The following BMPR1A variants were observed in gnomAD, a reference collection of about 807,000 sequenced individuals.
The protein encoded by BMPR1A is bone morphogenetic protein receptor type-1A.
In BMPR1A, 7 loss-of-function variants were observed where a neutral mutation model predicts 66.0. That is an observed-to-expected ratio of 0.11 (90% CI 0.06 to 0.20). The LOEUF is 0.20. BMPR1A is among the 10% of genes least tolerant of loss of function. The pLI, the probability that BMPR1A is intolerant of heterozygous loss-of-function variation, is 1.00. For missense variants in BMPR1A, 408 were observed against 669.1 expected (o/e 0.61, Z 4.31); for synonymous variants, 200 against 229.7 (o/e 0.87, Z 1.17).
chr10:86,923,395 A>G lies in BMPR1A; in HGVS notation c.1362A>G (p.Gln454=), dbSNP rs764090248. 1.4e-5 allele frequency: 22 copies of G among 1,614,074 alleles called. No individual in the cohort carries two copies. The highest frequency in any genetic ancestry group is 6.7e-5 in the East Asian group (3 of 44,900). The change falls in exon 12 of 13, where the codon CAA becomes CAG. Residue 454 remains glutamine (Q), a synonymous_variant. Coordinates refer to ENST00000372037, the MANE Select transcript of BMPR1A (RefSeq NM_004329.3). ...CITGGIVEEY[Q]LPYYNMVPSD... The stretch of plus-strand genomic sequence containing the variant: ...TTATAGGGATCGTGGAAGAATACCA[A>G]TTGCCATATTACAACATGGTACCGA...
At chr10:86,776,356 C>T (rs1841347938) in intron 1 of BMPR1A, among the ~76,000 whole-genome samples, 1 of 152,136 alleles carries the variant, frequency 6.6e-6, no homozygotes, top group African/African-American at 2.4e-5. Flanking sequence ...GTTGCTAATA[C>T]TACTGTGTAT....
At chr10:86,868,564 A>T (rs953123630) in intron 2 of BMPR1A, among the ~76,000 whole-genome samples, 1 of 152,180 alleles carries the variant, frequency 6.6e-6, no homozygotes, top group African/African-American at 2.4e-5. Context: ...AGCTTGTCAG[A>T]CCCGGCGCCT....
At chr10:86,759,763 G>A (rs1427651177) in intron 1 of BMPR1A, among the ~76,000 whole-genome samples, 1 of 152,088 alleles carries the variant, frequency 6.6e-6, no homozygotes, top group Non-Finnish European at 1.5e-5. Flanking sequence ...TTCCTTGAAA[G>A]TTTGGAAGAC....
chr10:86,855,579 C>CA, intron 2 of BMPR1A: 1 of 541,600 alleles, frequency 1.8e-6, no homozygotes, highest in Admixed American at 2.8e-5. Context: ...TAGTACTTTT[C>CA]AAAAAAGTAC....
At chr10:86,837,468 T>G (rs1156938463) in intron 1 of BMPR1A, among the ~76,000 whole-genome samples, 1 of 152,212 alleles carries the variant, frequency 6.6e-6, no homozygotes, top group Non-Finnish European at 1.5e-5. Flanking sequence ...TTGCCTGCTC[T>G]CTCTCCCACA....
At chr10:86,857,091 T>C (rs1842652208) in intron 2 of BMPR1A, among the ~76,000 whole-genome samples, 1 of 151,588 alleles carries the variant, frequency 6.6e-6, no homozygotes, top group African/African-American at 2.4e-5. Context: ...GTAGATTTTA[T>C]ATGTAGGTGT....
At chr10:86,793,984 T>G (rs1280419406) in intron 1 of BMPR1A, among the ~76,000 whole-genome samples, 1 of 152,138 alleles carries the variant, frequency 6.6e-6, no homozygotes, top group African/African-American at 2.4e-5. Flanking sequence ...TCCTGTCATC[T>G]CTTTCCCACC....
At chr10:86,797,045 T>C (rs1270051696) in intron 1 of BMPR1A, among the ~76,000 whole-genome samples, 1 of 147,992 alleles carries the variant, frequency 6.8e-6, no homozygotes, top group Non-Finnish European at 1.5e-5. Flanking sequence ...ACTCTTATTT[T>C]TCCTTTCTTT....
intron 3 of BMPR1A, among the ~76,000 whole-genome samples, chr10:86,888,969 G>A (rs2133388564): frequency 6.6e-6 from 1 of 152,196 alleles, no homozygotes; most frequent in Admixed American, 6.5e-5. Flanking sequence ...CATCAGTATG[G>A]TAAATGTAAA....
intron 1 of BMPR1A, among the ~76,000 whole-genome samples, chr10:86,812,291 G>C (rs1841982317): frequency 6.6e-6 from 1 of 152,152 alleles, no homozygotes; most frequent in South Asian, 2.1e-4. Flanking sequence ...TCTTGAGACT[G>C]TGTTATTTAG....
At chr10:86,868,987 A>G (rs1750088366) in intron 2 of BMPR1A, among the ~76,000 whole-genome samples, 1 of 152,188 alleles carries the variant, frequency 6.6e-6, no homozygotes, top group South Asian at 2.1e-4. Flanking sequence ...ACTATTCAAT[A>G]GCTTTTAAAT....
chr10:86,885,679 T>C (rs1396130369), intron 3 of BMPR1A, among the ~76,000 whole-genome samples: 1 of 152,244 alleles, frequency 6.6e-6, no homozygotes, highest in African/African-American at 2.4e-5. Context: ...TAATTAATGA[T>C]GCAGACTGTT....
At chr10:86,760,523 A>G (rs1841032670) in intron 1 of BMPR1A, among the ~76,000 whole-genome samples, 1 of 152,228 alleles carries the variant, frequency 6.6e-6, no homozygotes. Flanking sequence ...CAGGTGAGGC[A>G]CTGTGGCTGG....
chr10:86,819,579 G>A (rs1027928577), intron 1 of BMPR1A, among the ~76,000 whole-genome samples: 20 of 152,310 alleles, frequency 1.3e-4, no homozygotes, highest in African/African-American at 4.6e-4. Context: ...GATTACAGGC[G>A]TGAGCCACCG....
intron 2 of BMPR1A, chr10:86,856,066 T>C: frequency 1.7e-6 from 1 of 577,170 alleles, no homozygotes; most frequent in Non-Finnish European, 3.4e-6. Flanking sequence ...AGATGCTTCA[T>C]AACAAAAATT....
chr10:86,900,150 C>G (rs372259392), intron 7 of BMPR1A, 24 bp downstream of exon 7: 30 of 1,606,502 alleles, frequency 1.9e-5, no homozygotes, highest in Non-Finnish European at 2.6e-5. Flanking sequence ...TATTTTGAAG[C>G]AAAATATTTT....
chr10:86,852,806 A>T (rs1439912378), intron 2 of BMPR1A, among the ~76,000 whole-genome samples: 1 of 152,198 alleles, frequency 6.6e-6, no homozygotes, highest in African/African-American at 2.4e-5. Flanking sequence ...TTTAATCTTC[A>T]CAAAGCCATA....
intron 2 of BMPR1A, among the ~76,000 whole-genome samples, chr10:86,845,334 T>C (rs913320329): frequency 2.0e-5 from 3 of 152,186 alleles, no homozygotes; most frequent in African/African-American, 7.2e-5. Flanking sequence ...TACCTCACTG[T>C]TGTCCCACCA....
At chr10:86,779,721 TC>T (rs1841406882) in intron 1 of BMPR1A, among the ~76,000 whole-genome samples, 1 of 152,130 alleles carries the variant, frequency 6.6e-6, no homozygotes, top group Non-Finnish European at 1.5e-5. Context: ...TACCTCAACT[TC>T]CTGAGTAGCT....
Sources: gnomAD v4.1 joint callset for allele counts (sites outside exome capture counted in the v4.1 genomes callset) on GRCh38, gnomAD v4.1.1 for gene constraint, MANE v1.5 for transcripts, NCBI Gene and HGNC (gene_info 2026-07-23, HGNC 2026-07-21) for gene names.